The following FREM2 variants were observed in gnomAD, a reference collection of about 807,000 sequenced individuals.
FREM2 encodes the protein FRAS1 related extracellular matrix 2, also known as FRAS1-related extracellular matrix protein 2.
In FREM2, 119 loss-of-function variants were observed where a neutral mutation model predicts 219.9. The ratio of observed to expected loss-of-function variants is 0.54; its 90% CI spans 0.47 to 0.63. The LOEUF is 0.63. Ranked by LOEUF, FREM2 falls within the 30% of genes least tolerant of loss-of-function variation. The pLI is 0.00. For missense variants in FREM2, 4,030 were observed against 3,993.6 expected, an observed-to-expected ratio of 1.01 and a Z score of -0.25; for synonymous variants, 1,562 against 1,522.8, an observed-to-expected ratio of 1.03 and a Z score of -0.60.
At chr13:38,780,156 A>G (rs1874062659) in intron 4 of FREM2, among the ~76,000 whole-genome samples, 2 of 152,322 alleles carry the variant, frequency 1.3e-5, no homozygotes, top group South Asian at 4.1e-4. Context: ...TTGACATGTC[A>G]GCTTGGATAT....
Position 38,718,540 on chromosome 13 carries a change from C to T in FREM2, c.5263+20753C>T, listed in dbSNP as rs143422805. Among the ~76,000 whole-genome samples the T allele has an allele frequency of 3.7e-3, 571 of 152,302 alleles. 2 individuals are homozygous for T. Among genetic ancestry groups the T allele is most frequent in the African/African-American group, 0.013 (550 of 41,572 alleles). Reference sequence around the variant, plus strand: ...TTCCTGGAATCCTTATTCAGAGCATCTACTAGCTCAGAAGTCAATTTACAT... The same window carrying T: ...TTCCTGGAATCCTTATTCAGAGCATTTACTAGCTCAGAAGTCAATTTACAT... On this transcript the variant is annotated intron_variant, in intron 2 of 23. Coordinates refer to ENST00000280481, the MANE Select transcript of FREM2 (RefSeq NM_207361.6).
chr13:38,868,636 A>C (rs1878054536), intron 16 of FREM2, among the ~76,000 whole-genome samples: 1 of 152,236 alleles, frequency 6.6e-6, no homozygotes, highest in African/African-American at 2.4e-5. Flanking sequence ...TACGTGCCAG[A>C]TAACATCCAC....
intron 6 of FREM2, among the ~76,000 whole-genome samples, chr13:38,829,106 C>T (rs370786948): frequency 1.6e-4 from 25 of 152,130 alleles, no homozygotes; most frequent in African/African-American, 5.5e-4. Flanking sequence ...TGTCATAATC[C>T]CTAATTTTAC....
intron 2 of FREM2, among the ~76,000 whole-genome samples, chr13:38,703,730 C>A (rs1870429791): frequency 1.3e-5 from 2 of 152,008 alleles, no homozygotes; most frequent in Non-Finnish European, 2.9e-5. Flanking sequence ...TAGATTCATT[C>A]CAAAATTATA....
intron 6 of FREM2, among the ~76,000 whole-genome samples, chr13:38,803,935 T>A (rs1240113488): frequency 6.6e-6 from 1 of 151,846 alleles, no homozygotes; most frequent in East Asian, 1.9e-4. Context: ...GTGAATGAAA[T>A]TTTTTTATTC....
intron 1 of FREM2, among the ~76,000 whole-genome samples, chr13:38,693,724 G>C (rs1224366674): frequency 6.6e-6 from 1 of 152,186 alleles, no homozygotes; most frequent in Non-Finnish European, 1.5e-5. Flanking sequence ...GATAACAAAT[G>C]CTTTAATAAA....
rs1383498686 is a variant in FREM2 at position 38,886,530 on chromosome 13, TG to T, written c.*5745del. ...CTCCTGCCTCAACCTCCTGAGTAGC[TG>T]GAATTACAGGTGCCCACTACCATGC... On this transcript the variant is annotated 3_prime_UTR_variant, in exon 24 of 24. Coordinates refer to ENST00000280481, the MANE Select transcript of FREM2 (RefSeq NM_207361.6). The T allele has an allele frequency of 6.6e-6, 1 of 152,132 alleles. No homozygotes were observed. The highest frequency in any genetic ancestry group is 2.4e-5 in the African/African-American group (1 of 41,416). 9.4% of individuals were successfully genotyped at this position (152,132 alleles called of 1,614,324 possible).
At chr13:38,824,456 A>G (rs1160763236) in intron 6 of FREM2, among the ~76,000 whole-genome samples, 2 of 152,146 alleles carry the variant, frequency 1.3e-5, no homozygotes, top group African/African-American at 4.8e-5. Flanking sequence ...AAAGAGTTTA[A>G]TTGACACGAG....
chr13:38,845,400 G>A lies in FREM2; in HGVS notation c.6020-1173G>A, dbSNP rs775045919. ...GTTTTTAGTGGCCTGCCTTCTTAAG[G>A]AACAGTAATGTGAGTTGCATGTTCT... On this transcript the variant is annotated intron_variant, in intron 6 of 23. Transcript: ENST00000280481. Among the ~76,000 whole-genome samples the A allele has an allele frequency of 4.6e-5, 7 of 152,110 alleles. No individual in the cohort carries two copies. The South Asian group carries it at 1.2e-3, about 27-fold the overall frequency.
intron 2 of FREM2, among the ~76,000 whole-genome samples, chr13:38,710,875 A>T (rs1212640438): frequency 6.6e-6 from 1 of 152,248 alleles, no homozygotes; most frequent in East Asian, 1.9e-4. Context: ...TATATCTTTC[A>T]AGAACACATA....
intron 22 of FREM2, 89 bp from the exon 23 acceptor site, chr13:38,878,742 A>T: frequency 8.0e-7 from 1 of 1,256,656 alleles, no homozygotes; most frequent in Non-Finnish European, 1.2e-6. Context: ...AGTAATTTGT[A>T]CTTGCACAAA....
chr13:38,706,587 A>G (rs1870550917), intron 2 of FREM2, among the ~76,000 whole-genome samples: 2 of 152,192 alleles, frequency 1.3e-5, no homozygotes, highest in African/African-American at 2.4e-5. Flanking sequence ...CAAAAACTCA[A>G]TGTTGCTTAT....
chr13:38,725,847 G>C (rs1026496425), intron 2 of FREM2, among the ~76,000 whole-genome samples: 1 of 152,180 alleles, frequency 6.6e-6, no homozygotes, highest in African/African-American at 2.4e-5. Flanking sequence ...TGTGATTTTG[G>C]GGAAATGAAA....
chr13:38,850,762 T>G (rs1877338747), intron 9 of FREM2, among the ~76,000 whole-genome samples, 182 bp from the exon 10 acceptor site: 2 of 152,256 alleles, frequency 1.3e-5, no homozygotes, highest in African/African-American at 4.8e-5. Flanking sequence ...GGTCATTGCA[T>G]ATACTTAAAT....
rs9548509 is a variant in FREM2 at position 38,856,177 on chromosome 13, C to T, written c.6977C>T (p.Thr2326Ile). Residue 2326 changes from threonine (T) to isoleucine (I), a missense_variant, in exon 12 of 24, where the codon ACC (threonine) becomes ATC (isoleucine). This residue lies in a region of FREM2 where 3,102 missense variants were observed against 2,950.7 expected (regional missense o/e 1.05). Coordinates refer to ENST00000280481, the MANE Select transcript of FREM2 (RefSeq NM_207361.6). ...CAGCACGTGGTTGAAATCGAAGTTACCTTTGACGGGGTGAGAGAGATGAGA... is the reference window on the plus strand; with the variant it reads ...CAGCACGTGGTTGAAATCGAAGTTATCTTTGACGGGGTGAGAGAGATGAGA... ...ETQHVVEIEV[T>I]FDGVREMREA... is the part of the protein sequence containing the mutation. 1,153,922 of 1,610,012 alleles carry T rather than the reference C, an allele frequency of 0.72. 416,843 individuals are homozygous for T. The highest frequency in any genetic ancestry group is 0.97 in the East Asian group (43,528 of 44,808).
chr13:38,873,039 T>C (rs1225718843), intron 17 of FREM2, 105 bp downstream of exon 17: 7 of 864,634 alleles, frequency 8.1e-6, no homozygotes, highest in Non-Finnish European at 1.3e-5. Flanking sequence ...CAAATTTCAG[T>C]ATATTTTCAT....
chr13:38,875,972 C>G, intron 18 of FREM2, 50 bp from the exon 19 acceptor site: 1 of 1,531,842 alleles, frequency 6.5e-7, no homozygotes, highest in Non-Finnish European at 9.0e-7. Context: ...GTTATGCACT[C>G]TTTTAATTGA....
chr13:38,749,538 A>T (rs1872638283), intron 2 of FREM2, among the ~76,000 whole-genome samples: 1 of 152,200 alleles, frequency 6.6e-6, no homozygotes, highest in African/African-American at 2.4e-5. Context: ...TCTCAACCCC[A>T]GTGCTATTGA....
chr13:38,723,772 C>T (rs569642661), intron 2 of FREM2, among the ~76,000 whole-genome samples: 2 of 152,260 alleles, frequency 1.3e-5, no homozygotes, highest in East Asian at 1.9e-4. Flanking sequence ...TCACTGAAAT[C>T]GCTTCCTGTA....
Sources: gnomAD v4.1 joint callset for allele counts (sites outside exome capture counted in the v4.1 genomes callset) on GRCh38, gnomAD v4.1.1 for gene constraint, gnomAD v4.1.1 regional missense constraint, MANE v1.5 for transcripts, NCBI Gene and HGNC (gene_info 2026-07-23, HGNC 2026-07-21) for gene names.